The following HECTD4 variants were observed in gnomAD, a reference collection of about 807,000 sequenced individuals.
HECTD4 encodes probable E3 ubiquitin-protein ligase HECTD4.
HECTD4 carries 114 observed loss-of-function variants against 471.5 expected under a neutral mutation model. That is an observed-to-expected ratio of 0.24 (90% CI 0.21 to 0.28). The LOEUF is 0.28. Among genes scored for constraint, HECTD4 ranks in the 10% least tolerant of loss-of-function variants. The pLI is 1.00. For missense variants in HECTD4, 3,866 were observed against 5,651.5 expected, an observed-to-expected ratio of 0.68 and a Z score of 10.13; for synonymous variants, 2,012 against 2,256.0, an observed-to-expected ratio of 0.89 and a Z score of 3.07.
In HECTD4 at chr12:112,333,411, T is replaced by C. The variant is rs1398669347; in HGVS notation, c.178-13669A>G. On this transcript the variant is annotated intron_variant, in intron 1 of 75. Coordinates refer to ENST00000682272, the MANE Select transcript of HECTD4 (RefSeq NM_001388303.1). ...TCATCCTAGTGGGTGTGAAGTGGTA[T>C]GTTCATGTAGTTTTAACTTGCATTT... Among the ~76,000 whole-genome samples, 3 of 152,268 alleles carry C rather than the reference T, an allele frequency of 2.0e-5. No homozygotes were observed. In the East Asian group the frequency reaches 5.8e-4, roughly 29 times the overall value.
chr12:112,270,429 T>C lies in HECTD4; in HGVS notation c.1973A>G (p.Asn658Ser). Residue 658 changes from asparagine to serine, a missense_variant, in exon 12 of 76, where the codon AAC becomes AGC. This residue lies in a region of HECTD4 where 525 missense variants were observed against 672.6 expected (regional missense o/e 0.78). Coordinates refer to ENST00000682272, the MANE Select transcript of HECTD4 (RefSeq NM_001388303.1). Reference sequence around the variant, plus strand: ...CGCACCAACGTGGTGCAATAATTGGTTTATAACCTCATTCGTGGTTATAGC... The same window carrying C: ...CGCACCAACGTGGTGCAATAATTGGCTTATAACCTCATTCGTGGTTATAGC... ...EEAITTNEVI[N>S]QLLHHVGAMC... 2 of 1,614,018 alleles carry C rather than the reference T, an allele frequency of 1.2e-6. No individual in the cohort carries two copies.
At chr12:112,290,829 C>G (rs1350815252) in intron 7 of HECTD4, among the ~76,000 whole-genome samples, 1 of 125,188 alleles carries the variant, frequency 8.0e-6, no homozygotes, top group Non-Finnish European at 1.6e-5. Flanking sequence ...GCCTGAGCAA[C>G]AAGAGCGAAA....
chr12:112,309,402 G>A (rs892274425), intron 5 of HECTD4, among the ~76,000 whole-genome samples, 159 bp downstream of exon 5: 1 of 152,196 alleles, frequency 6.6e-6, no homozygotes, highest in Non-Finnish European at 1.5e-5. Flanking sequence ...GGGAAAGGTG[G>A]CAATAAGAGA....
rs2033306696 is a variant in HECTD4, at chr12:112,228,905, A to G, written c.6520-94T>C. On this transcript the variant is annotated intron_variant, in intron 41 of 75. Coordinates refer to ENST00000682272, the MANE Select transcript of HECTD4 (RefSeq NM_001388303.1). The surrounding 1 kb of genome is among the most constrained non-coding windows in gnomAD (Gnocchi z 4.9). ...AGGAAAAAGTAAATTTATAGTTGTC[A>G]TTGTTGGCGTTACAGTAATAGTTTA... 2.4e-6 allele frequency: 3 copies of G among 1,224,626 alleles called. No homozygotes were observed. The highest frequency in any genetic ancestry group is 2.1e-5 in the Admixed American group (1 of 47,516). 75.9% of individuals were successfully genotyped at this position (1,224,626 alleles called of 1,614,324 possible). A position where few individuals can be genotyped will look rare whatever the true frequency, so the allele number is the denominator to read the frequency against.
chr12:112,265,787 A>G, intron 15 of HECTD4, 91 bp downstream of exon 15: 1 of 914,734 alleles, frequency 1.1e-6, no homozygotes, highest in Non-Finnish European at 1.8e-6. Flanking sequence ...TATTAGTTAT[A>G]ACAGGAGACT....
In HECTD4 at chr12:112,381,827, A is replaced by C. The variant is rs1221586779; in HGVS notation, c.177+125T>G. On this transcript the variant is annotated intron_variant, in intron 1 of 75. Transcript: ENST00000682272. This position sits in a 1 kb window ranked among gnomAD's most constrained non-coding sequence, Gnocchi z 4.1. The stretch of plus-strand genomic sequence containing the variant: ...GGCCCCACCTGCCCGCCCCGCGCCC[A>C]CACACACCTGCCCCGGCAGCCGCCG... 1.7e-6 allele frequency: 1 copy of C among 592,398 alleles called. No homozygotes were observed. 36.7% of individuals were successfully genotyped at this position (592,398 alleles called of 1,614,324 possible). A position where few individuals can be genotyped will look rare whatever the true frequency, so the allele number is the denominator to read the frequency against.
intron 66 of HECTD4, 89 bp from the exon 67 acceptor site, chr12:112,172,950 G>A: frequency 8.8e-7 from 1 of 1,140,282 alleles, no homozygotes; most frequent in Non-Finnish European, 1.3e-6. Flanking sequence ...CCTGTCCTCA[G>A]CTCCTGGAGC....
At chr12:112,196,633 C>T (rs1004232197) in intron 55 of HECTD4, among the ~76,000 whole-genome samples, 3 of 152,118 alleles carry the variant, frequency 2.0e-5, no homozygotes, top group Non-Finnish European at 2.9e-5. Flanking sequence ...CCCTGTTGCC[C>T]AAACTGAAGT....
chr12:112,228,680 A>G lies in HECTD4; in HGVS notation c.6651T>C (p.Ile2217=). The change falls in exon 42 of 76, where the codon ATT becomes ATC. Residue 2217 remains isoleucine (I), a synonymous_variant. Transcript: ENST00000682272. This position sits in a 1 kb window ranked among gnomAD's most constrained non-coding sequence, Gnocchi z 4.9. Reference sequence around the variant, plus strand: ...TTGGAACACAAAGTCTAGACAATGGAATAGTCAATGTGTCTGACGCTTGCG... The same window carrying G: ...TTGGAACACAAAGTCTAGACAATGGGATAGTCAATGTGTCTGACGCTTGCG... ...KTSQASDTLT[I]PLSRLCVPRS... is the part of the protein sequence containing the mutation. 1 of 1,610,840 alleles carries G rather than the reference A, an allele frequency of 6.2e-7. No homozygotes were observed. Among genetic ancestry groups the G allele is most frequent in the Non-Finnish European group, 8.5e-7 (1 of 1,179,242 alleles).
At chr12:112,302,723 C>A (rs1032581887) in intron 7 of HECTD4, 2 of 424,574 alleles carry the variant, frequency 4.7e-6, no homozygotes, top group Non-Finnish European at 8.4e-6. Context: ...CATTTTTAAT[C>A]TTCATATTAG....
intron 55 of HECTD4, among the ~76,000 whole-genome samples, chr12:112,197,957 T>A (rs1310235909): frequency 1.3e-5 from 2 of 152,148 alleles, no homozygotes; most frequent in African/African-American, 4.8e-5. Flanking sequence ...TGCTTCAGCC[T>A]CCCGAGTAGC....
At chr12:112,313,638 C>T (rs2035416091) in intron 3 of HECTD4, among the ~76,000 whole-genome samples, 1 of 151,962 alleles carries the variant, frequency 6.6e-6, no homozygotes, top group South Asian at 2.1e-4. Flanking sequence ...CAGGGGCTCA[C>T]CATCACGCCC....
Position 112,176,649 on chromosome 12 carries a change from T to C in HECTD4, c.11417A>G (p.Lys3806Arg). Residue 3806 changes from lysine to arginine, a missense_variant, in exon 65 of 76, where the codon AAG (lysine) becomes AGG (arginine). Lys to Arg is a conservative substitution (Grantham distance 26). Transcript: ENST00000682272. ...TGGGTCCTTTTCATCTGGTTTGCTC[T>C]TTTCTGGTGATTTTGGCTTCACAGT... ...KPTVKPKSPE[K>R]SKPDEKDPEK... 1 of 1,614,056 alleles carries C rather than the reference T, an allele frequency of 6.2e-7. No individual in the cohort carries two copies. Among genetic ancestry groups the C allele is most frequent in the South Asian group, 1.1e-5 (1 of 91,084 alleles).
At chr12:112,214,544 G>A (rs867711369) in intron 48 of HECTD4, among the ~76,000 whole-genome samples, 4 of 152,184 alleles carry the variant, frequency 2.6e-5, no homozygotes, top group South Asian at 2.1e-4. Flanking sequence ...TAGACAGATT[G>A]GGTTCTAATT....
rs1258870176 is a variant in HECTD4, at chr12:112,212,601, A to G, written c.7515T>C (p.Pro2505=). 6.2e-7 allele frequency: 1 copy of G among 1,613,834 alleles called. No individual in the cohort carries two copies. The highest frequency in any genetic ancestry group is 8.5e-7 in the Non-Finnish European group (1 of 1,179,846). ...CCCGGCCCTTGGCTGGCTGTCCCGG[A>G]GGAGGTGGAGTCCCCTCAGTTCTCT... The part of the protein sequence containing the change: ...GWERTEGTPP[P]PGQPAKGRVY... The change falls in exon 49 of 76, where the codon CCT becomes CCC. Residue 2505 remains proline, a synonymous_variant. Coordinates refer to ENST00000682272, the MANE Select transcript of HECTD4 (RefSeq NM_001388303.1).
In HECTD4 at chr12:112,234,986, C is replaced by T. The variant is rs1381365131; in HGVS notation, c.5915+91G>A. The T allele has an allele frequency of 4.3e-6, 5 of 1,151,396 alleles. No individual in the cohort carries two copies. The South Asian group carries it at 8.0e-5, about 18-fold the overall frequency. 71.3% of individuals were successfully genotyped at this position (1,151,396 alleles called of 1,614,324 possible). A position where few individuals can be genotyped will look rare whatever the true frequency, so the allele number is the denominator to read the frequency against. The stretch of plus-strand genomic sequence containing the variant: ...GAAAGGGGTGTAAAGAGGGCCGAGG[C>T]AGTCGATACATGTACAGGGCTTACT... On this transcript the variant is annotated intron_variant, in intron 37 of 75. Transcript: ENST00000682272.
At chr12:112,372,139 G>C (rs2036689483) in intron 1 of HECTD4, among the ~76,000 whole-genome samples, 1 of 149,460 alleles carries the variant, frequency 6.7e-6, no homozygotes, top group South Asian at 2.1e-4. Context: ...TGGTGTCAGG[G>C]AATCACTCTG....
chr12:112,248,630 C>T, intron 25 of HECTD4, 118 bp from the exon 26 acceptor site: 1 of 637,476 alleles, frequency 1.6e-6, no homozygotes, highest in Non-Finnish European at 2.5e-6. Context: ...ACCTAGGCTG[C>T]AGTTCAGTGG....
intron 62 of HECTD4, among the ~76,000 whole-genome samples, chr12:112,181,149 CAG>C (rs974186380): frequency 4.7e-5 from 7 of 147,964 alleles, no homozygotes; most frequent in Non-Finnish European, 8.9e-5. Context: ...GCCTGGGTGA[CAG>C]AGTGAGACTC....
Sources: gnomAD v4.1 joint callset for allele counts (sites outside exome capture counted in the v4.1 genomes callset) on GRCh38, gnomAD v4.1.1 for gene constraint, gnomAD v4.1.1 regional missense constraint, Gnocchi (gnomAD v3.1) non-coding constraint, MANE v1.5 for transcripts, NCBI Gene and HGNC (gene_info 2026-07-23, HGNC 2026-07-21) for gene names.